POFUT3: variants seen among roughly 807,000 people sequenced by gnomAD.
POFUT3 encodes protein O-fucosyltransferase 3, also known as GDP-fucose protein O-fucosyltransferase 3.
At chr8:33,344,038 CA>C in the POFUT3 span, among the ~76,000 whole-genome samples, 1 of 152,108 alleles carries the variant, frequency 6.6e-6, no homozygotes, top group Non-Finnish European at 1.5e-5. Context: ...TTCAGCCTTC[CA>C]AAACTAACAG....
At chr8:33,461,015 C>T in the POFUT3 span, among the ~76,000 whole-genome samples, 3 of 151,984 alleles carry the variant, frequency 2.0e-5, no homozygotes, top group Non-Finnish European at 2.9e-5. Context: ...TTTAGCTGGG[C>T]GTGGTAGCGG....
the POFUT3 span, among the ~76,000 whole-genome samples, chr8:33,326,769 G>C: frequency 0.27 from 40,525 of 151,958 alleles, 5,823 homozygotes; most frequent in South Asian, 0.5. Context: ...ACTCTCCTAC[G>C]TTTCCTTTTC....
the POFUT3 span, among the ~76,000 whole-genome samples, chr8:33,459,691 T>C: frequency 6.6e-6 from 1 of 151,844 alleles, no homozygotes; most frequent in Non-Finnish European, 1.5e-5. Flanking sequence ...GGCTGGTACC[T>C]GAATGGGTGC....
At chr8:33,457,892 G>A in the POFUT3 span, among the ~76,000 whole-genome samples, 27 of 107,596 alleles carry the variant, frequency 2.5e-4, no homozygotes, top group African/African-American at 8.6e-4. Context: ...TAGCTTAAGT[G>A]TAGGTAACTA....
the POFUT3 span, among the ~76,000 whole-genome samples, chr8:33,454,543 G>A: frequency 6.6e-6 from 1 of 152,178 alleles, no homozygotes; most frequent in Non-Finnish European, 1.5e-5. Flanking sequence ...CAGGTTTCAG[G>A]GATCAGGGAG....
At chr8:33,330,061 G>C in the POFUT3 span, among the ~76,000 whole-genome samples, 2 of 152,162 alleles carry the variant, frequency 1.3e-5, no homozygotes, top group Non-Finnish European at 2.9e-5. Flanking sequence ...AGTAAGGCAA[G>C]TTGGAAAAGG....
the POFUT3 span, among the ~76,000 whole-genome samples, chr8:33,468,239 CAAA>C: frequency 1.8e-4 from 23 of 124,826 alleles, no homozygotes; most frequent in East Asian, 2.4e-4. Flanking sequence ...AACTGTGTCT[CAAA>C]AAAAAAAAAA....
At chr8:33,392,400 ACC>A in the POFUT3 span, among the ~76,000 whole-genome samples, 1 of 151,730 alleles carries the variant, frequency 6.6e-6, no homozygotes, top group Non-Finnish European at 1.5e-5. Context: ...ACATGGTGAA[ACC>A]CCATCTCTAC....
the POFUT3 span, among the ~76,000 whole-genome samples, chr8:33,325,866 C>T: frequency 2.6e-5 from 4 of 152,104 alleles, no homozygotes; most frequent in East Asian, 3.9e-4. Flanking sequence ...ATCCAGCCCC[C>T]TCCATAACTG....
At chr8:33,318,547 T>G in the POFUT3 span, among the ~76,000 whole-genome samples, 1 of 109,018 alleles carries the variant, frequency 9.2e-6, no homozygotes, top group Non-Finnish European at 1.7e-5. Flanking sequence ...ATTAGCTATT[T>G]TATATAAATA....
At chr8:33,355,266 C>T in the POFUT3 span, among the ~76,000 whole-genome samples, 6 of 152,120 alleles carry the variant, frequency 3.9e-5, 1 homozygote, top group Non-Finnish European at 5.9e-5. Flanking sequence ...AACAGGCTCA[C>T]TTATAAGTGC....
the POFUT3 span, among the ~76,000 whole-genome samples, chr8:33,446,376 G>A: frequency 2.0e-5 from 3 of 149,524 alleles, no homozygotes; most frequent in Admixed American, 6.7e-5. Flanking sequence ...AGAATCTCTC[G>A]AACACAGGAG....
chr8:33,430,556 C>T, the POFUT3 span, among the ~76,000 whole-genome samples: 12 of 152,140 alleles, frequency 7.9e-5, no homozygotes, highest in Non-Finnish European at 1.3e-4. Flanking sequence ...AGGAGTTTTA[C>T]ACTTATTGCT....
At chr8:33,401,865 T>C in the POFUT3 span, among the ~76,000 whole-genome samples, 1 of 151,984 alleles carries the variant, frequency 6.6e-6, no homozygotes, top group African/African-American at 2.4e-5. Context: ...CTGTCTCTAC[T>C]AAAAATACAA....
At chr8:33,394,672 T>TA in the POFUT3 span, among the ~76,000 whole-genome samples, 3,596 of 139,658 alleles carry the variant, frequency 0.026, 39 homozygotes, top group Admixed American at 0.032. Context: ...TCTTAAAAAT[T>TA]AAAAAAAAAA....
the POFUT3 span, chr8:33,436,691 G>C: frequency 1.3e-6 from 1 of 788,332 alleles, no homozygotes; most frequent in East Asian, 2.6e-5. Context: ...CCGATGAACA[G>C]CTTCACCATC....
At chr8:33,413,375 C>T in the POFUT3 span, among the ~76,000 whole-genome samples, 1 of 152,082 alleles carries the variant, frequency 6.6e-6, no homozygotes, top group Non-Finnish European at 1.5e-5. Flanking sequence ...CTCTCTCTCT[C>T]TCTCTCCCCC....
At chr8:33,416,418 A>G in the POFUT3 span, among the ~76,000 whole-genome samples, 1 of 148,630 alleles carries the variant, frequency 6.7e-6, no homozygotes, top group Non-Finnish European at 1.5e-5. Flanking sequence ...GCCTGGCCAA[A>G]ATACAAAAAT....
chr8:33,389,170 AC>A, the POFUT3 span: 1 of 1,614,126 alleles, frequency 6.2e-7, no homozygotes. Context: ...GTCTGATGTA[AC>A]TTGCCAGTTC....
Sources: gnomAD v4.1 joint callset for allele counts (sites outside exome capture counted in the v4.1 genomes callset) on GRCh38, gnomAD v4.1.1 for gene constraint, MANE v1.5 for transcripts, NCBI Gene and HGNC (gene_info 2026-07-23, HGNC 2026-07-21) for gene names.